DDX4: variants seen among roughly 807,000 people sequenced by gnomAD.
The protein encoded by DDX4 is probable ATP-dependent RNA helicase DDX4.
In DDX4, 25 loss-of-function variants were observed where a neutral mutation model predicts 100.0. The ratio of observed to expected loss-of-function variants is 0.25; its 90% confidence interval spans 0.18 to 0.35. The LOEUF (loss-of-function observed/expected upper bound fraction) is 0.35. Ranked by LOEUF, DDX4 falls within the 10% of genes least tolerant of loss-of-function variation. The probability of loss-of-function intolerance (pLI) is 1.00; values close to 1 mark genes in which losing one functional copy is unlikely to be tolerated. For missense variants in DDX4, 635 were observed against 882.4 expected, an observed-to-expected ratio of 0.72 and a Z score of 3.55; for synonymous variants, 259 against 275.7, an observed-to-expected ratio of 0.94 and a Z score of 0.60.
At chr5:55,775,317 A>G (rs1379573788) in intron 7 of DDX4, among the ~76,000 whole-genome samples, 5 of 152,172 alleles carry the variant, frequency 3.3e-5, no homozygotes, top group Admixed American at 3.3e-4. Flanking sequence ...ACATTCACCT[A>G]CAGTTATCTG....
intron 16 of DDX4, among the ~76,000 whole-genome samples, chr5:55,792,278 ATAT>A (rs553340363): frequency 2.3e-4 from 35 of 152,134 alleles, no homozygotes; most frequent in African/African-American, 7.2e-4. Context: ...ATATACAGTA[ATAT>A]TATCTAAGCA....
intron 8 of DDX4, among the ~76,000 whole-genome samples, chr5:55,780,827 A>G (rs527961507): frequency 6.0e-4 from 91 of 152,352 alleles, no homozygotes; most frequent in African/African-American, 2.1e-3. Flanking sequence ...GTAATTTATC[A>G]TTGAAGGACA....
intron 18 of DDX4, among the ~76,000 whole-genome samples, chr5:55,805,940 A>G (rs1462512346): frequency 6.6e-6 from 1 of 152,196 alleles, no homozygotes; most frequent in African/African-American, 2.4e-5. Context: ...TTCAGCTGTG[A>G]ATCCATCTGG....
Position 55,792,799 on chromosome 5 carries a change from A to G in DDX4, c.1461A>G (p.Glu487=). The G allele has an allele frequency of 7.1e-7, 1 of 1,409,270 alleles. No individual in the cohort carries two copies. Among genetic ancestry groups the G allele is most frequent in the Non-Finnish European group, 9.3e-7 (1 of 1,077,344 alleles). The allele number at this position is 1,409,270 out of a possible 1,614,324, so 87.3% of individuals were successfully genotyped here. The change falls in exon 17 of 22, where the codon GAA becomes GAG. Residue 487 remains glutamate (E), a synonymous_variant. Transcript: ENST00000505374. The stretch of plus-strand genomic sequence containing the variant: ...TGTTCAGTGCAACTTTTCCAGAGGA[A>G]ATTCAAAGGTTAAGTTTTTTTCTTA... ...TLMFSATFPE[E]IQRLAAEFLK...
At position 55,785,747 on chromosome 5, in the gene DDX4, T is replaced by C. The variant is rs1428240003; in HGVS notation, c.740T>C (p.Ile247Thr). ...SDTQGPKVTY[I>T]PPPPPEDEDS... ...TTCCAAGGACCAAAAGTGACCTACA[T>C]ACCCCCTCCTCCACCTGAGGATGAG... Residue 247 changes from isoleucine to threonine, a missense_variant, in exon 13 of 22, where the codon ATA becomes ACA. Physicochemically the swap from Ile to Thr is moderately conservative, Grantham distance 89. Coordinates refer to ENST00000505374, the MANE Select transcript of DDX4 (RefSeq NM_024415.3). The C allele has an allele frequency of 2.5e-6, 4 of 1,612,170 alleles. No individual in the cohort carries two copies. Among genetic ancestry groups the C allele is most frequent in the East Asian group, 2.2e-5 (1 of 44,854 alleles).
In DDX4 at chr5:55,798,422, C is replaced by T. The variant is rs1743099768; in HGVS notation, c.1470-4C>T. The T allele has an allele frequency of 6.2e-7, 1 of 1,606,790 alleles. No individual in the cohort carries two copies. The highest frequency in any genetic ancestry group is 1.3e-5 in the African/African-American group (1 of 74,594). Reference sequence around the variant, plus strand: ...AGTTAAAGAATAATCTTTTGTTTTTCAAGGTTGGCTGCAGAGTTTTTAAAG... The same window carrying T: ...AGTTAAAGAATAATCTTTTGTTTTTTAAGGTTGGCTGCAGAGTTTTTAAAG... On this transcript the variant is annotated splice_region_variant and splice_polypyrimidine_tract_variant and intron_variant, in intron 17 of 21. Coordinates refer to ENST00000505374, the MANE Select transcript of DDX4 (RefSeq NM_024415.3).
chr5:55,796,975 G>C (rs567586399), intron 17 of DDX4, among the ~76,000 whole-genome samples: 9 of 151,554 alleles, frequency 5.9e-5, no homozygotes, highest in Non-Finnish European at 1.0e-4. Context: ...CTCCTGGGTA[G>C]CTGGAACTAC....
At chr5:55,802,591 T>C (rs559984070) in intron 18 of DDX4, among the ~76,000 whole-genome samples, 114 of 152,320 alleles carry the variant, frequency 7.5e-4, no homozygotes, top group African/African-American at 2.7e-3. Flanking sequence ...CTAAAAGTTG[T>C]CAAAGCAGTC....
chr5:55,795,096 G>A (rs1206242053), intron 17 of DDX4, among the ~76,000 whole-genome samples: 1 of 151,954 alleles, frequency 6.6e-6, no homozygotes, highest in East Asian at 1.9e-4. Flanking sequence ...CTCCTGAGTG[G>A]CTGGGATTAC....
intron 7 of DDX4, among the ~76,000 whole-genome samples, chr5:55,777,200 G>A (rs1021186219): frequency 2.6e-5 from 4 of 151,936 alleles, no homozygotes; most frequent in Non-Finnish European, 4.4e-5. Context: ...ACAGAAAGGA[G>A]AACAAAAAGC....
At position 55,816,806 on chromosome 5, in the gene DDX4, G is replaced by T; in HGVS notation, c.*266G>T. ...CTTATTTCTGGTATATTCTTTAGGG[G>T]GCTTAGACATGTTTAATGTTTAAAT... On this transcript the variant is annotated 3_prime_UTR_variant, in exon 22 of 22. Coordinates refer to ENST00000505374, the MANE Select transcript of DDX4 (RefSeq NM_024415.3). 1 of 410,882 alleles carries T rather than the reference G, an allele frequency of 2.4e-6. No homozygotes were observed. The highest frequency in any genetic ancestry group is 2.0e-5 in the African/African-American group (1 of 48,794). The allele number at this position is 410,882 out of a possible 1,614,324, so 25.5% of individuals were successfully genotyped here.
intron 7 of DDX4, among the ~76,000 whole-genome samples, chr5:55,778,391 T>C (rs893601163): frequency 1.3e-5 from 2 of 152,124 alleles, no homozygotes; most frequent in Admixed American, 1.3e-4. Context: ...GACAGAACTT[T>C]GTAGGAAGAA....
intron 18 of DDX4, among the ~76,000 whole-genome samples, chr5:55,807,510 A>C (rs192186655): frequency 1.8e-3 from 269 of 152,100 alleles, no homozygotes; most frequent in Middle Eastern, 3.4e-3. Context: ...TCTTTTAGGG[A>C]AGGCCTGGTG....
At chr5:55,773,543 C>T (rs1004915790) in intron 7 of DDX4, among the ~76,000 whole-genome samples, 2 of 152,172 alleles carry the variant, frequency 1.3e-5, no homozygotes, top group African/African-American at 2.4e-5. Context: ...GATTTCTCCA[C>T]ATCCACCGAT....
At chr5:55,767,268 G>T (rs938641716) in intron 6 of DDX4, among the ~76,000 whole-genome samples, 3 of 152,034 alleles carry the variant, frequency 2.0e-5, no homozygotes, top group African/African-American at 7.3e-5. Context: ...TGGCAAAACC[G>T]CATCTCTCCT....
At chr5:55,776,664 A>G (rs1171803828) in intron 7 of DDX4, among the ~76,000 whole-genome samples, 1 of 152,206 alleles carries the variant, frequency 6.6e-6, no homozygotes, top group South Asian at 2.1e-4. Context: ...CCAAATAACT[A>G]TATTCAGATA....
At chr5:55,758,109 C>T (rs557081176) in intron 3 of DDX4, among the ~76,000 whole-genome samples, 1 of 152,120 alleles carries the variant, frequency 6.6e-6, no homozygotes, top group African/African-American at 2.4e-5. Flanking sequence ...CTGTTATGAA[C>T]AAACTCTCAT....
At chr5:55,773,149 C>A in intron 7 of DDX4, 1 of 152,788 alleles carries the variant, frequency 6.5e-6, no homozygotes, top group South Asian at 1.9e-4. Context: ...GGCCCATTTC[C>A]TGGTTCATAG....
At position 55,786,703 on chromosome 5, in the gene DDX4, GT is replaced by G. The variant is rs1404454405; in HGVS notation, c.1017+39del. ...TTTCCCCACATGTCCAAACTGTTAGGTTTTTTGAGCTTTGGTTCTTCCTTAG... is the reference window on the plus strand; with the variant it reads ...TTTCCCCACATGTCCAAACTGTTAGGTTTTTGAGCTTTGGTTCTTCCTTAG... On this transcript the variant is annotated intron_variant, in intron 14 of 21. Transcript: ENST00000505374. The G allele has an allele frequency of 2.5e-6, 4 of 1,586,146 alleles. No homozygotes were observed. The South Asian group carries it at 3.4e-5, about 13-fold the overall frequency.
Sources: allele counts gnomAD v4.1 joint callset (sites outside exome capture counted in the v4.1 genomes callset), GRCh38; gene constraint gnomAD v4.1.1; transcripts MANE v1.5; gene names NCBI Gene and HGNC (gene_info 2026-07-23, HGNC 2026-07-21).